The following CEP170 variants were observed in gnomAD, a reference collection of about 807,000 sequenced individuals.
CEP170 encodes the protein centrosomal protein of 170 kDa.
In CEP170, 21 loss-of-function variants were observed where a neutral mutation model predicts 151.9. That is an observed-to-expected ratio of 0.14 (90% CI 0.10 to 0.20). The LOEUF (loss-of-function observed/expected upper bound fraction) is 0.20, where lower values mean the gene tolerates loss of function less well. Among genes scored for constraint, CEP170 ranks in the 10% least tolerant of loss-of-function variants. The pLI is 1.00. For synonymous variants in CEP170, 356 were observed against 648.8 expected, an observed-to-expected ratio of 0.55 and a Z score of 6.86; for missense variants, 964 against 1,892.9, an observed-to-expected ratio of 0.51 and a Z score of 9.11.
intron 10 of CEP170, 69 bp from the exon 11 acceptor site, chr1:243,172,915 T>G: frequency 1.5e-6 from 2 of 1,359,458 alleles, no homozygotes; most frequent in Non-Finnish European, 1.9e-6. Flanking sequence ...GTGAATAGTA[T>G]AATTAACTTC....
At chr1:243,253,872 C>T (rs2066199623) in intron 1 of CEP170, among the ~76,000 whole-genome samples, 1 of 152,146 alleles carries the variant, frequency 6.6e-6, no homozygotes, top group African/African-American at 2.4e-5. Context: ...CAAATTCCTC[C>T]CAAATGGCTG....
Position 243,206,878 on chromosome 1 carries a change from A to G in CEP170, c.274+5008T>C, listed in dbSNP as rs2061457146. Among the ~76,000 whole-genome samples the G allele has an allele frequency of 2.0e-5, 3 of 152,332 alleles. No individual in the cohort carries two copies. In the South Asian group the frequency reaches 6.2e-4, roughly 32 times the overall value. On this transcript the variant is annotated intron_variant, in intron 4 of 19. Transcript: ENST00000366542. ...TACTTGAAGATAAAACTTGAAATTAAAGACAAATTATAAGTCCTAAAGGTA... is the reference window on the plus strand; with the variant it reads ...TACTTGAAGATAAAACTTGAAATTAGAGACAAATTATAAGTCCTAAAGGTA...
chr1:243,150,274 C>T (rs1414571665), intron 14 of CEP170, among the ~76,000 whole-genome samples: 2 of 152,146 alleles, frequency 1.3e-5, no homozygotes, highest in Non-Finnish European at 2.9e-5. Flanking sequence ...CCTCAGCCAC[C>T]CGAGTAGCTG....
At chr1:243,210,419 A>T (rs1337904681) in intron 4 of CEP170, among the ~76,000 whole-genome samples, 1 of 152,034 alleles carries the variant, frequency 6.6e-6, no homozygotes, top group Admixed American at 6.5e-5. Flanking sequence ...TTAAGGCTTT[A>T]ATGCTAATTC....
chr1:243,206,517 C>T (rs1229194018), intron 4 of CEP170, among the ~76,000 whole-genome samples: 1 of 152,068 alleles, frequency 6.6e-6, no homozygotes, highest in Non-Finnish European at 1.5e-5. Context: ...AGCCATAGTA[C>T]AAGAAATGTT....
At chr1:243,177,395 C>A (rs1177581297) in intron 10 of CEP170, among the ~76,000 whole-genome samples, 1 of 152,320 alleles carries the variant, frequency 6.6e-6, no homozygotes. Flanking sequence ...CATCTAACTT[C>A]TACAATCTTA....
intron 17 of CEP170, 150 bp downstream of exon 17, chr1:243,135,993 A>C: frequency 1.7e-6 from 2 of 1,162,286 alleles, no homozygotes; most frequent in Non-Finnish European, 1.2e-6. Flanking sequence ...AATAAATTTA[A>C]AGTTATAAAG....
At position 243,169,681 on chromosome 1, in the gene CEP170, T is replaced by C. The variant is rs2058695553; in HGVS notation, c.1790A>G (p.His597Arg). 3.1e-6 allele frequency: 5 copies of C among 1,613,376 alleles called. No homozygotes were observed. The highest frequency in any genetic ancestry group is 4.5e-5 in the East Asian group (2 of 44,856). Residue 597 changes from histidine (H) to arginine (R), a missense_variant, in exon 12 of 20, where the codon CAT becomes CGT. Coordinates refer to ENST00000366542, the MANE Select transcript of CEP170 (RefSeq NM_014812.3). ...WASLAANHTR[H>R]DQEERIMEFS... is the part of the protein sequence containing the mutation. ...TTCCATTATCCTTTCTTCTTGATCA[T>C]GCCTTGTATGATTGGCAGCCAAACT...
At chr1:243,223,163 A>AGAGAAGT (rs754516715) in intron 2 of CEP170, among the ~76,000 whole-genome samples, 6 of 152,344 alleles carry the variant, frequency 3.9e-5, no homozygotes, top group Non-Finnish European at 7.3e-5. Context: ...AATGTTGTTA[A>AGAGAAGT]GAGAAGTGAG....
chr1:243,253,792 T>C (rs1252298041), intron 1 of CEP170, among the ~76,000 whole-genome samples: 1 of 152,230 alleles, frequency 6.6e-6, no homozygotes, highest in Non-Finnish European at 1.5e-5. Context: ...AACGGCTGCA[T>C]ACATTGTAAG....
chr1:243,148,637 C>T (rs1386187183), intron 14 of CEP170, among the ~76,000 whole-genome samples: 2 of 152,032 alleles, frequency 1.3e-5, no homozygotes, highest in Non-Finnish European at 2.9e-5. Context: ...TGAATGATTC[C>T]ATGATCTCAC....
chr1:243,246,234 T>C (rs1340040887), intron 1 of CEP170, among the ~76,000 whole-genome samples: 2 of 145,162 alleles, frequency 1.4e-5, no homozygotes, highest in Non-Finnish European at 3.0e-5. Context: ...TACTTTTTTT[T>C]TTTTTTTTTT....
At chr1:243,245,890 A>C (rs1318292141) in intron 1 of CEP170, among the ~76,000 whole-genome samples, 2 of 152,012 alleles carry the variant, frequency 1.3e-5, no homozygotes, top group African/African-American at 4.8e-5. Context: ...AGGCTGCAGC[A>C]AGCCATGAAC....
chr1:243,180,089 C>T (rs2059525012), intron 10 of CEP170, among the ~76,000 whole-genome samples: 1 of 152,016 alleles, frequency 6.6e-6, no homozygotes, highest in South Asian at 2.1e-4. Flanking sequence ...TTAAAAATTG[C>T]TAAGACGATA....
chr1:243,215,316 T>C lies in CEP170; in HGVS notation c.196-3352A>G, dbSNP rs560895821. 4.6e-5 allele frequency among the ~76,000 whole-genome samples: 7 copies of C among 152,284 alleles called. No individual in the cohort carries two copies. In the East Asian group the frequency reaches 9.7e-4, roughly 21 times the overall value. ...AGCGATGTTCAGGGAACAAGGGAGA[T>C]AACCATTAGGTCTGGCTGCCTGAGA... On this transcript the variant is annotated intron_variant, in intron 3 of 19. Coordinates refer to ENST00000366542, the MANE Select transcript of CEP170 (RefSeq NM_014812.3).
chr1:243,182,259 T>C (rs1255640340), intron 10 of CEP170, among the ~76,000 whole-genome samples: 1 of 152,110 alleles, frequency 6.6e-6, no homozygotes, highest in Non-Finnish European at 1.5e-5. Flanking sequence ...AAGCCAGCCA[T>C]ATGTGGAGCT....
At position 243,233,732 on chromosome 1, in the gene CEP170, CA is replaced by C. The variant is rs376399936; in HGVS notation, c.-41-8412del. Reference sequence around the variant, plus strand: ...TGGGCAACAGAGCAAGACTCCATCTCAAAAAAAAAATATATATATATATATA... The same window carrying C: ...TGGGCAACAGAGCAAGACTCCATCTCAAAAAAAAATATATATATATATATA... On this transcript the variant is annotated intron_variant, in intron 1 of 19. Transcript: ENST00000366542. Among the ~76,000 whole-genome samples the C allele has an allele frequency of 5.4e-4, 53 of 97,798 alleles. 3 individuals are homozygous for C. In the Middle Eastern group the frequency reaches 0.022, roughly 41 times the overall value. The allele number at this position is 97,798 out of a possible 152,430, so 64.2% of individuals were successfully genotyped here.
At chr1:243,211,694 A>T in intron 4 of CEP170, 192 bp downstream of exon 4, 1 of 620,718 alleles carries the variant, frequency 1.6e-6, no homozygotes, top group Non-Finnish European at 2.6e-6. Flanking sequence ...GAGTCCACCA[A>T]CTTTTCCATG....
intron 4 of CEP170, among the ~76,000 whole-genome samples, 160 bp from the exon 5 acceptor site, chr1:243,200,995 G>A (rs11580082): frequency 0.3 from 46,191 of 151,738 alleles, 7,483 homozygotes; most frequent in South Asian, 0.48. Flanking sequence ...GGTCACCAAT[G>A]TAAACATTTT....
Sources: gnomAD v4.1 joint callset for allele counts (sites outside exome capture counted in the v4.1 genomes callset) on GRCh38, gnomAD v4.1.1 for gene constraint, MANE v1.5 for transcripts, NCBI Gene and HGNC (gene_info 2026-07-23, HGNC 2026-07-21) for gene names.